Variants in TNFRSF19 observed in about 807,000 individuals in gnomAD.
TNFRSF19 encodes the protein tumor necrosis factor receptor superfamily member 19.
Under a neutral mutation model 46.4 loss-of-function variants are expected in TNFRSF19, and 27 were observed. That is an observed-to-expected ratio of 0.58 (90% CI 0.43 to 0.80). The LOEUF (loss-of-function observed/expected upper bound fraction) is 0.80, where lower values mean the gene tolerates loss of function less well. Ranked by LOEUF, TNFRSF19 falls within the 30% of genes least tolerant of loss-of-function variation. The pLI is 0.00. For synonymous variants in TNFRSF19, 204 were observed against 205.0 expected (o/e 1.00, Z 0.04); for missense variants, 511 against 530.8 (o/e 0.96, Z 0.37).
chr13:23,666,627 T>G (rs1951638385), intron 7 of TNFRSF19, among the ~76,000 whole-genome samples: 1 of 152,224 alleles, frequency 6.6e-6, no homozygotes, highest in Non-Finnish European at 1.5e-5. Context: ...AGGTTTATCG[T>G]GTACTTTCCC....
At chr13:23,572,998 G>A (rs1877726338) in intron 1 of TNFRSF19, among the ~76,000 whole-genome samples, 1 of 152,132 alleles carries the variant, frequency 6.6e-6, no homozygotes, top group African/African-American at 2.4e-5. Flanking sequence ...TTCCTCATGT[G>A]TGAAGTGAGG....
At chr13:23,654,065 C>T (rs1459893343) in intron 5 of TNFRSF19, among the ~76,000 whole-genome samples, 3 of 152,136 alleles carry the variant, frequency 2.0e-5, no homozygotes, top group Non-Finnish European at 2.9e-5. Context: ...TTGTTTGTGG[C>T]CAGGGTGGAA....
intron 3 of TNFRSF19, among the ~76,000 whole-genome samples, chr13:23,594,925 G>A (rs1310205067): frequency 6.6e-6 from 1 of 152,210 alleles, no homozygotes; most frequent in African/African-American, 2.4e-5. Flanking sequence ...GGAACAGGCA[G>A]CAGTCTTTGC....
rs962453636 is a variant in TNFRSF19 at position 23,586,510 on chromosome 13, G to T, written c.-34-3640G>T. 1.1e-4 allele frequency among the ~76,000 whole-genome samples: 17 copies of T among 152,164 alleles called. 1 individual carries two copies. The stretch of plus-strand genomic sequence containing the variant: ...AGTCACTGTGGTTTGAGATCCAGAG[G>T]TCCGCCCAGCCAATCAGAGATGAAG... On this transcript the variant is annotated intron_variant, in intron 1 of 9. Coordinates refer to ENST00000248484, the MANE Select transcript of TNFRSF19 (RefSeq NM_148957.4).
In TNFRSF19 at chr13:23,659,314, C is replaced by T. The variant is rs1884187787; in HGVS notation, c.610+100C>T. On this transcript the variant is annotated intron_variant, in intron 6 of 9. Transcript: ENST00000248484. The surrounding 1 kb of genome is among the most constrained non-coding windows in gnomAD (Gnocchi z 4.9). The stretch of plus-strand genomic sequence containing the variant: ...ACAAGAGACTTGGCTGAGACAAGCA[C>T]CAGTGAGTTGTGAAAGAACGCAGGG... The T allele has an allele frequency of 2.3e-6, 3 of 1,331,112 alleles. No individual in the cohort carries two copies. The highest frequency in any genetic ancestry group is 2.3e-5 in the East Asian group (1 of 42,738). 82.5% of individuals were successfully genotyped at this position (1,331,112 alleles called of 1,614,324 possible).
Position 23,659,232 on chromosome 13 carries a change from T to G in TNFRSF19, c.610+18T>G. The G allele has an allele frequency of 1.3e-6, 2 of 1,594,432 alleles. No homozygotes were observed. Among genetic ancestry groups the G allele is most frequent in the South Asian group, 2.2e-5 (2 of 89,474 alleles). On this transcript the variant is annotated intron_variant, in intron 6 of 9. Transcript: ENST00000248484. The surrounding 1 kb of genome is among the most constrained non-coding windows in gnomAD (Gnocchi z 4.9). ...ACCCAGCTGTAAGTTTTGAGCTCAT[T>G]ACATTTCTTAGCATTTAGGGGAAGG...
chr13:23,654,645 G>A (rs1313469218), intron 5 of TNFRSF19, among the ~76,000 whole-genome samples: 1 of 152,174 alleles, frequency 6.6e-6, no homozygotes. Flanking sequence ...CTGTACTTTG[G>A]TTATCATTAC....
At chr13:23,643,181 C>T (rs1196444352) in intron 5 of TNFRSF19, among the ~76,000 whole-genome samples, 1 of 152,192 alleles carries the variant, frequency 6.6e-6, no homozygotes, top group Non-Finnish European at 1.5e-5. Flanking sequence ...CTAAGATTTT[C>T]CAAGAGCAGA....
intron 5 of TNFRSF19, among the ~76,000 whole-genome samples, chr13:23,627,045 G>C (rs906213850): frequency 4.6e-5 from 7 of 152,164 alleles, no homozygotes; most frequent in African/African-American, 1.7e-4. Flanking sequence ...AGCTCCTTCT[G>C]AAGCCTTCCC....
chr13:23,647,007 A>G (rs879836597), intron 5 of TNFRSF19, among the ~76,000 whole-genome samples: 7 of 152,166 alleles, frequency 4.6e-5, no homozygotes, highest in Admixed American at 2.0e-4. Context: ...GTATCTCATC[A>G]TGTCTGGATT....
intron 1 of TNFRSF19, among the ~76,000 whole-genome samples, chr13:23,582,140 G>A (rs1459057350): frequency 6.6e-6 from 1 of 151,462 alleles, no homozygotes; most frequent in Non-Finnish European, 1.5e-5. Flanking sequence ...CAGCACTTTG[G>A]GAGGCCGAGG....
intron 5 of TNFRSF19, among the ~76,000 whole-genome samples, chr13:23,637,789 C>T (rs1220469539): frequency 6.6e-6 from 1 of 152,268 alleles, no homozygotes; most frequent in Non-Finnish European, 1.5e-5. Flanking sequence ...ACAGGGAAGG[C>T]AGCCTCACAG....
intron 1 of TNFRSF19, among the ~76,000 whole-genome samples, chr13:23,580,865 T>G (rs1301216100): frequency 6.6e-6 from 1 of 152,284 alleles, no homozygotes; most frequent in Non-Finnish European, 1.5e-5. Flanking sequence ...TACTTTTTAA[T>G]CTATGAAAAT....
chr13:23,669,591 G>T (rs538974761), intron 9 of TNFRSF19: 1 of 985,228 alleles, frequency 1.0e-6, no homozygotes, highest in Non-Finnish European at 1.2e-6. Flanking sequence ...CTGCTTTACC[G>T]GATTGATTGA....
At chr13:23,641,612 T>C (rs980697521) in intron 5 of TNFRSF19, among the ~76,000 whole-genome samples, 11 of 152,250 alleles carry the variant, frequency 7.2e-5, no homozygotes, top group Non-Finnish European at 1.5e-4. Flanking sequence ...ATTACAGGCG[T>C]GAGCCACCGT....
intron 5 of TNFRSF19, among the ~76,000 whole-genome samples, chr13:23,657,288 A>G (rs913929359): frequency 3.9e-5 from 6 of 152,124 alleles, no homozygotes; most frequent in African/African-American, 7.2e-5. Flanking sequence ...TATTAACCCA[A>G]GTGTTTCTCT....
At chr13:23,584,928 C>T (rs1480715393) in intron 1 of TNFRSF19, among the ~76,000 whole-genome samples, 1 of 152,026 alleles carries the variant, frequency 6.6e-6, no homozygotes, top group Non-Finnish European at 1.5e-5. Flanking sequence ...AGCTAGAAGC[C>T]GGGGGTTATT....
At chr13:23,588,159 A>G (rs1025658084) in intron 1 of TNFRSF19, among the ~76,000 whole-genome samples, 8 of 152,330 alleles carry the variant, frequency 5.3e-5, no homozygotes, top group Admixed American at 3.9e-4. Flanking sequence ...CATTCCTCAC[A>G]GCAATTTCAG....
At chr13:23,571,996 G>T (rs1877664923) in intron 1 of TNFRSF19, among the ~76,000 whole-genome samples, 4 of 151,840 alleles carry the variant, frequency 2.6e-5, no homozygotes, top group African/African-American at 9.7e-5. Flanking sequence ...TTATCCTTTA[G>T]TCTGAAATTC....
Sources: gnomAD v4.1 joint callset for allele counts (sites outside exome capture counted in the v4.1 genomes callset) on GRCh38, gnomAD v4.1.1 for gene constraint, Gnocchi (gnomAD v3.1) non-coding constraint, MANE v1.5 for transcripts, NCBI Gene and HGNC (gene_info 2026-07-23, HGNC 2026-07-21) for gene names.